The following ACSL1 variants were observed in gnomAD, a reference collection of about 807,000 sequenced individuals.
The protein encoded by ACSL1 is acyl-CoA synthetase long chain family member 1, also known as long-chain-fatty-acid--CoA ligase 1.
A neutral mutation model predicts 98.4 loss-of-function variants in ACSL1; 41 were observed. The observed-to-expected ratio is 0.42, with a 90% CI of 0.32 to 0.54. The LOEUF (loss-of-function observed/expected upper bound fraction) is 0.54, where lower values mean the gene tolerates loss of function less well. Among genes scored for constraint, ACSL1 ranks in the 20% least tolerant of loss-of-function variants. ACSL1 has a pLI of 0.13. For missense variants in ACSL1, 734 were observed against 883.1 expected, an observed-to-expected ratio of 0.83 and a Z score of 2.14; for synonymous variants, 316 against 322.7, an observed-to-expected ratio of 0.98 and a Z score of 0.22.
intron 1 of ACSL1, among the ~76,000 whole-genome samples, chr4:184,813,398 CT>C (rs1356419529): frequency 1.2e-4 from 18 of 152,204 alleles, no homozygotes; most frequent in African/African-American, 4.3e-4. Context: ...CCGTCAACAG[CT>C]TTGTGGCAGC....
At chr4:184,774,987 C>A (rs946226171) in intron 7 of ACSL1, among the ~76,000 whole-genome samples, 1 of 152,098 alleles carries the variant, frequency 6.6e-6, no homozygotes, top group South Asian at 2.1e-4. Flanking sequence ...TCTGGAGATG[C>A]CCAATTCTTC....
At chr4:184,801,252 C>A (rs577589598) in intron 2 of ACSL1, among the ~76,000 whole-genome samples, 87 of 152,266 alleles carry the variant, frequency 5.7e-4, no homozygotes, top group Non-Finnish European at 1.1e-3. Flanking sequence ...AAACAGCCAG[C>A]GTGGGTTGTG....
chr4:184,773,792 A>G lies in ACSL1; in HGVS notation c.789+51T>C. ...TATAAGCCACAAGGTACCAGGCTAG[A>G]TATTGAAAACTACAAAGAGGACAGA... On this transcript the variant is annotated intron_variant, in intron 8 of 20. Transcript: ENST00000281455. The surrounding 1 kb of genome is among the most constrained non-coding windows in gnomAD (Gnocchi z 4.3). The G allele has an allele frequency of 6.2e-7, 1 of 1,613,692 alleles. No individual in the cohort carries two copies. The highest frequency in any genetic ancestry group is 8.5e-7 in the Non-Finnish European group (1 of 1,179,796).
intron 4 of ACSL1, among the ~76,000 whole-genome samples, chr4:184,783,278 C>G (rs1392288467): frequency 6.6e-6 from 1 of 152,210 alleles, no homozygotes; most frequent in African/African-American, 2.4e-5. Flanking sequence ...GGACTAGAGA[C>G]CGACAAGGGC....
At chr4:184,782,847 C>T (rs1021947032) in intron 4 of ACSL1, among the ~76,000 whole-genome samples, 1 of 152,152 alleles carries the variant, frequency 6.6e-6, no homozygotes, top group Non-Finnish European at 1.5e-5. Flanking sequence ...AAATCATGCA[C>T]TTCAGTCTGA....
At chr4:184,816,450 T>C (rs1772645225) in intron 1 of ACSL1, among the ~76,000 whole-genome samples, 1 of 152,084 alleles carries the variant, frequency 6.6e-6, no homozygotes, top group African/African-American at 2.4e-5. Flanking sequence ...ACCTAACAAG[T>C]TGCAGAAGAT....
At chr4:184,804,790 C>A (rs143598084) in intron 1 of ACSL1, among the ~76,000 whole-genome samples, 279 of 152,218 alleles carry the variant, frequency 1.8e-3, no homozygotes, top group African/African-American at 6.5e-3. Flanking sequence ...ATCTCACACA[C>A]GTTAGAAAGT....
At chr4:184,794,649 C>T (rs945224250) in intron 2 of ACSL1, among the ~76,000 whole-genome samples, 1 of 152,212 alleles carries the variant, frequency 6.6e-6, no homozygotes, top group African/African-American at 2.4e-5. Context: ...GTCCCATGTC[C>T]ACCACATAGT....
intron 15 of ACSL1, 80 bp from the exon 16 acceptor site, chr4:184,763,335 G>A (rs1156621272): frequency 7.8e-7 from 1 of 1,281,796 alleles, no homozygotes; most frequent in African/African-American, 1.5e-5. Flanking sequence ...TAGCAAACAG[G>A]ATTCCACATA....
chr4:184,812,943 A>G (rs1030052849), intron 1 of ACSL1, among the ~76,000 whole-genome samples: 3 of 152,158 alleles, frequency 2.0e-5, no homozygotes, highest in African/African-American at 7.2e-5. Context: ...TAGTGAGGAG[A>G]ATGCTCCCAG....
chr4:184,803,622 C>T lies in ACSL1; in HGVS notation c.-32-76G>A. 1 of 1,071,950 alleles carries T rather than the reference C, an allele frequency of 9.3e-7. No individual in the cohort carries two copies. 66.4% of individuals were successfully genotyped at this position (1,071,950 alleles called of 1,614,324 possible). On this transcript the variant is annotated intron_variant, in intron 1 of 20. Transcript: ENST00000281455. This position sits in a 1 kb window ranked among gnomAD's most constrained non-coding sequence, Gnocchi z 4.8. ...TCCAGAACTCCAAAATTCCACCGGC[C>T]AGCCATCTAATTGGGTAGCTGCTCG...
chr4:184,757,103 CCT>C lies in ACSL1; in HGVS notation c.*20_*21del, dbSNP rs1762203159. On this transcript the variant is annotated 3_prime_UTR_variant, in exon 21 of 21. Coordinates refer to ENST00000281455, the MANE Select transcript of ACSL1 (RefSeq NM_001995.5). This position sits in a 1 kb window ranked among gnomAD's most constrained non-coding sequence, Gnocchi z 4.5. ...AAGAGATTGTGGAACTGTGCCATTT[CCT>C]CTGAGCTTTCTTCTTCACACTAAAC... is the stretch of plus-strand genomic sequence containing the variant. 6.4e-7 allele frequency: 1 copy of C among 1,555,676 alleles called. No individual in the cohort carries two copies.
At chr4:184,779,926 G>A (rs1392222114) in intron 5 of ACSL1, among the ~76,000 whole-genome samples, 1 of 149,140 alleles carries the variant, frequency 6.7e-6, no homozygotes, top group Non-Finnish European at 1.5e-5. Context: ...AGGCTGGAGT[G>A]CAATGGCACA....
intron 4 of ACSL1, among the ~76,000 whole-genome samples, chr4:184,782,796 AGCCTTCT>A (rs1182241038): frequency 1.3e-5 from 2 of 152,188 alleles, no homozygotes; most frequent in African/African-American, 4.8e-5. Context: ...TCTCAAGCAA[AGCCTTCT>A]GCATCCTGTC....
intron 15 of ACSL1, among the ~76,000 whole-genome samples, chr4:184,764,537 G>A (rs1763295106): frequency 6.6e-6 from 1 of 152,148 alleles, no homozygotes; most frequent in Admixed American, 6.5e-5. Context: ...TCAATTACTA[G>A]GAAGCTCTGT....
At chr4:184,791,149 A>G (rs1319240411) in intron 2 of ACSL1, among the ~76,000 whole-genome samples, 2 of 152,242 alleles carry the variant, frequency 1.3e-5, no homozygotes, top group African/African-American at 4.8e-5. Context: ...CTCTTGACAC[A>G]ACAGAAATGC....
At chr4:184,788,366 A>C (rs1579908610) in intron 3 of ACSL1, 1 of 599,548 alleles carries the variant, frequency 1.7e-6, no homozygotes, top group East Asian at 3.6e-5. Context: ...CACTGGTGTA[A>C]CATGTGACTC....
At chr4:184,786,458 ACT>A (rs752386006) in intron 3 of ACSL1, among the ~76,000 whole-genome samples, 2,072 of 93,786 alleles carry the variant, frequency 0.022, 34 homozygotes, top group Middle Eastern at 0.059. Flanking sequence ...ACACACACAC[ACT>A]GTTTCATGTG....
Position 184,760,452 on chromosome 4 carries a change from C to T in ACSL1, c.1687G>A (p.Ala563Thr). The T allele has an allele frequency of 2.5e-6, 4 of 1,614,120 alleles. No individual in the cohort carries two copies. Among genetic ancestry groups the T allele is most frequent in the Non-Finnish European group, 3.4e-6 (4 of 1,180,012 alleles). ...TCAGGGGCTATGTATTCTCCTTGTG[C>T]CAGCTTAAATATGTGCTTTTTCCGG... Reference protein sequence around the residue: ...IDRKKHIFKLAQGEYIAPEKI... With the variant: ...IDRKKHIFKLTQGEYIAPEKI... Residue 563 changes from alanine (A) to threonine (T), a missense_variant, in exon 18 of 21, where the codon GCA becomes ACA. Physicochemically the swap from Ala to Thr is moderately conservative, Grantham distance 58 (BLOSUM62 0). Coordinates refer to ENST00000281455, the MANE Select transcript of ACSL1 (RefSeq NM_001995.5).
Sources: allele counts gnomAD v4.1 joint callset (sites outside exome capture counted in the v4.1 genomes callset), GRCh38; gene constraint gnomAD v4.1.1; non-coding constraint Gnocchi (gnomAD v3.1); transcripts MANE v1.5; gene names NCBI Gene and HGNC (gene_info 2026-07-23, HGNC 2026-07-21).